SERPINB2: variants seen among roughly 807,000 people sequenced by gnomAD.
The protein encoded by SERPINB2 is plasminogen activator inhibitor 2.
In SERPINB2, 28 loss-of-function variants were observed where a neutral mutation model predicts 39.4. The ratio of observed to expected loss-of-function variants is 0.71; its 90% CI spans 0.53 to 0.97. The LOEUF (loss-of-function observed/expected upper bound fraction) is 0.97, where lower values mean the gene tolerates loss of function less well. Ranked by LOEUF, SERPINB2 falls within the 50% of genes least tolerant of loss-of-function variation. The pLI is 0.00. For synonymous variants in SERPINB2, 209 were observed against 175.1 expected, an observed-to-expected ratio of 1.19 and a Z score of -1.53; for missense variants, 557 against 505.3, an observed-to-expected ratio of 1.10 and a Z score of -0.98.
chr18:63,897,580 C>A, intron 4 of SERPINB2, 147 bp from the exon 5 acceptor site: 1 of 721,332 alleles, frequency 1.4e-6, no homozygotes, highest in Admixed American at 2.3e-5. Flanking sequence ...ACTCTTTCCC[C>A]CTTCAGCACC....
intron 2 of SERPINB2, 82 bp from the exon 3 acceptor site, chr18:63,895,182 A>G: frequency 6.5e-7 from 1 of 1,549,072 alleles, no homozygotes; most frequent in Admixed American, 1.9e-5. Flanking sequence ...GGACCATTTT[A>G]GAGCCACCTG....
intron 1 of SERPINB2, chr18:63,890,145 G>C (rs1355200528): frequency 3.9e-5 from 6 of 152,084 alleles, no homozygotes; most frequent in Admixed American, 3.9e-4. Context: ...TTTTTGTCTT[G>C]ATAAAATAGT....
At chr18:63,897,297 C>A in intron 4 of SERPINB2, 78 bp downstream of exon 4, 1 of 1,523,808 alleles carries the variant, frequency 6.6e-7, no homozygotes, top group South Asian at 1.3e-5. Context: ...CTCTACAATT[C>A]AACAGTTCAT....
At position 63,896,572 on chromosome 18, in the gene SERPINB2, C is replaced by T. The variant is rs1186648535; in HGVS notation, c.289-519C>T. Among the ~76,000 whole-genome samples, 4 of 152,150 alleles carry T rather than the reference C, an allele frequency of 2.6e-5. No homozygotes were observed. In the South Asian group the frequency reaches 8.3e-4, roughly 31 times the overall value. ...CTATACATTGTGAAATGATTACAGTCAAATTAATGAGCACATCCATCACTA... is the reference window on the plus strand; with the variant it reads ...CTATACATTGTGAAATGATTACAGTTAAATTAATGAGCACATCCATCACTA... On this transcript the variant is annotated intron_variant, in intron 3 of 7. Coordinates refer to ENST00000299502, the MANE Select transcript of SERPINB2 (RefSeq NM_002575.3).
chr18:63,897,343 G>T, intron 4 of SERPINB2, 124 bp downstream of exon 4: 2 of 1,156,948 alleles, frequency 1.7e-6, no homozygotes, highest in Non-Finnish European at 1.2e-6. Flanking sequence ...AGCTCCCTAG[G>T]GCTGGCCTTG....
At position 63,897,154 on chromosome 18, in the gene SERPINB2, A is replaced by G. The variant is rs2049964667; in HGVS notation, c.352A>G (p.Thr118Ala). The change falls in exon 4 of 8, where the codon ACA (threonine) becomes GCA (alanine). Residue 118 changes from threonine (T) to alanine (A), a missense_variant. Coordinates refer to ENST00000299502, the MANE Select transcript of SERPINB2 (RefSeq NM_002575.3). ...TCTCAGCTCTGCAATCAATGCATCC[A>G]CAGGGAATTATTTACTGGAAAGTGT... ...RSLSSAINAS[T>A]GNYLLESVNK... 1 of 1,613,666 alleles carries G rather than the reference A, an allele frequency of 6.2e-7. No individual in the cohort carries two copies. The highest frequency in any genetic ancestry group is 1.1e-5 in the South Asian group (1 of 91,062).
chr18:63,896,298 C>T (rs2049959051), intron 3 of SERPINB2, among the ~76,000 whole-genome samples: 1 of 152,186 alleles, frequency 6.6e-6, no homozygotes, highest in Admixed American at 6.5e-5. Flanking sequence ...TGTGACCAAG[C>T]CCTGTGTCTG....
chr18:63,902,070 C>G (rs2144707208), intron 6 of SERPINB2, among the ~76,000 whole-genome samples, 188 bp downstream of exon 6: 1 of 152,226 alleles, frequency 6.6e-6, no homozygotes, highest in African/African-American at 2.4e-5. Flanking sequence ...TATACATGCC[C>G]AGACTCCAAC....
chr18:63,898,187 T>C (rs1182978892), intron 5 of SERPINB2, among the ~76,000 whole-genome samples: 1 of 152,192 alleles, frequency 6.6e-6, no homozygotes, highest in African/African-American at 2.4e-5. Context: ...AAAACAAGGC[T>C]TGACCCTGAG....
chr18:63,897,150 A>G lies in SERPINB2; in HGVS notation c.348A>G (p.Ala116=). The G allele has an allele frequency of 3.1e-6, 5 of 1,613,720 alleles. No homozygotes were observed. Among genetic ancestry groups the G allele is most frequent in the Non-Finnish European group, 4.2e-6 (5 of 1,179,714 alleles). ...SFRSLSSAIN[A]STGNYLLESV... is the part of the protein sequence containing the mutation. ...GCTCTCTCAGCTCTGCAATCAATGCATCCACAGGGAATTATTTACTGGAAA... is the reference window on the plus strand; with the variant it reads ...GCTCTCTCAGCTCTGCAATCAATGCGTCCACAGGGAATTATTTACTGGAAA... The change falls in exon 4 of 8, where the codon GCA becomes GCG. Residue 116 remains alanine, a synonymous_variant. Transcript: ENST00000299502.
At chr18:63,900,822 C>A (rs922484448) in intron 5 of SERPINB2, among the ~76,000 whole-genome samples, 2 of 152,066 alleles carry the variant, frequency 1.3e-5, no homozygotes, top group African/African-American at 4.8e-5. Flanking sequence ...ACCACATTGA[C>A]CTATTAATTT....
chr18:63,898,330 T>C (rs111661866), intron 5 of SERPINB2, among the ~76,000 whole-genome samples: 3,807 of 152,300 alleles, frequency 0.025, 152 homozygotes, highest in African/African-American at 0.086. Context: ...CTCTGCTTCA[T>C]CCCTCCTTGA....
Position 63,903,016 on chromosome 18 carries a change from T to A in SERPINB2, c.959T>A (p.Leu320His), listed in dbSNP as rs1401658333. 6.2e-7 allele frequency: 1 copy of A among 1,613,822 alleles called. No individual in the cohort carries two copies. Among genetic ancestry groups the A allele is most frequent in the East Asian group, 2.2e-5 (1 of 44,872 alleles). Reference protein sequence around the residue: ...PQFKLEEHYELRSILRSMGME... With the variant: ...PQFKLEEHYEHRSILRSMGME... ...TTCAAATTAGAAGAGCATTATGAACTCAGATCCATTCTGAGAAGCATGGGC... is the reference window on the plus strand; with the variant it reads ...TTCAAATTAGAAGAGCATTATGAACACAGATCCATTCTGAGAAGCATGGGC... The change falls in exon 8 of 8, where the codon CTC becomes CAC. Residue 320 changes from leucine to histidine, a missense_variant. By Grantham distance (99) the Leu-to-His change is moderately conservative. Transcript: ENST00000299502.
intron 3 of SERPINB2, among the ~76,000 whole-genome samples, chr18:63,896,199 C>A (rs1250970951): frequency 6.6e-6 from 1 of 152,138 alleles, no homozygotes; most frequent in Admixed American, 6.5e-5. Flanking sequence ...GGACAGGATC[C>A]TGATCATGTG....
chr18:63,902,658 T>C, intron 7 of SERPINB2, 90 bp downstream of exon 7: 1 of 1,310,282 alleles, frequency 7.6e-7, no homozygotes, highest in Non-Finnish European at 1.1e-6. Flanking sequence ...GGTGTGGTAA[T>C]TTCTCATGGA....
At chr18:63,897,960 T>G in intron 5 of SERPINB2, 116 bp downstream of exon 5, 45 of 675,904 alleles carry the variant, frequency 6.7e-5, no homozygotes, top group East Asian at 1.0e-4. Flanking sequence ...CAACTGCAGT[T>G]ACTTTGGTGG....
intron 1 of SERPINB2, among the ~76,000 whole-genome samples, 167 bp downstream of exon 1, chr18:63,887,937 AT>A (rs1233671804): frequency 6.6e-6 from 1 of 152,202 alleles, no homozygotes; most frequent in Non-Finnish European, 1.5e-5. Flanking sequence ...AAAATATTTT[AT>A]TTCAAGATTT....
At chr18:63,894,251 C>T (rs1052996799) in intron 2 of SERPINB2, among the ~76,000 whole-genome samples, 2 of 138,260 alleles carry the variant, frequency 1.4e-5, no homozygotes, top group Admixed American at 1.4e-4. Context: ...CGTAGGAAAT[C>T]TTCTTCTTTT....
rs767801830 is a variant in SERPINB2 at position 63,903,262 on chromosome 18, T to C, written c.1205T>C (p.Ile402Thr). ...HPFLFLIMHK[I>T]TNCILFFGRF... ...TTTCTTTTTCTTATTATGCATAAGA[T>C]AACCAACTGCATTTTATTTTTCGGC... The change falls in exon 8 of 8, where the codon ATA becomes ACA. Residue 402 changes from isoleucine (I) to threonine (T), a missense_variant. Transcript: ENST00000299502. The C allele has an allele frequency of 1.9e-6, 3 of 1,567,390 alleles. No homozygotes were observed. Among genetic ancestry groups the C allele is most frequent in the Non-Finnish European group, 2.6e-6 (3 of 1,158,820 alleles).
Sources: gnomAD v4.1 joint callset for allele counts (sites outside exome capture counted in the v4.1 genomes callset) on GRCh38, gnomAD v4.1.1 for gene constraint, MANE v1.5 for transcripts, NCBI Gene and HGNC (gene_info 2026-07-23, HGNC 2026-07-21) for gene names.